GRIK4: variants seen among roughly 807,000 people sequenced by gnomAD.
GRIK4 encodes glutamate receptor ionotropic, kainate 4.
A neutral mutation model predicts 104.9 loss-of-function variants in GRIK4; 40 were observed. The observed-to-expected ratio is 0.38, with a 90% CI of 0.30 to 0.50. The LOEUF is 0.50. Among genes scored for constraint, GRIK4 ranks in the 20% least tolerant of loss-of-function variants. GRIK4 has a pLI of 0.93. For synonymous variants in GRIK4, 485 were observed against 524.9 expected (o/e 0.92, Z 1.04); for missense variants, 1,047 against 1,308.1 (o/e 0.80, Z 3.08).
At position 120,929,455 on chromosome 11, in the gene GRIK4, G is replaced by A. The variant is rs79439370; in HGVS notation, c.1477-10892G>A. Among the ~76,000 whole-genome samples, 735 of 152,256 alleles carry A rather than the reference G, an allele frequency of 4.8e-3. 6 individuals are homozygous for A. The highest frequency in any genetic ancestry group is 0.017 in the African/African-American group (701 of 41,542). ...TTCCCTGGGCATCTCAATAGGTGCG[G>A]GTGGGAGGGAGAAAGCCGCCCGCAG... On this transcript the variant is annotated intron_variant, in intron 13 of 20. Transcript: ENST00000527524.
At chr11:120,764,861 C>T (rs111929438) in intron 3 of GRIK4, among the ~76,000 whole-genome samples, 2 of 152,040 alleles carry the variant, frequency 1.3e-5, no homozygotes, top group Admixed American at 6.6e-5. Context: ...GTGGGTAACC[C>T]GACCTTTCTC....
chr11:120,624,574 G>C, intron 1 of GRIK4, among the ~76,000 whole-genome samples: 1 of 152,274 alleles, frequency 6.6e-6, no homozygotes, highest in South Asian at 2.1e-4. Context: ...CCCAGAGTCA[G>C]CTGGCACCGA....
At chr11:120,631,362 A>G (rs1221954104) in intron 1 of GRIK4, among the ~76,000 whole-genome samples, 1 of 152,150 alleles carries the variant, frequency 6.6e-6, no homozygotes, top group Non-Finnish European at 1.5e-5. Context: ...GTTTCTCATG[A>G]GCTCCCTGGG....
intron 3 of GRIK4, among the ~76,000 whole-genome samples, chr11:120,774,738 C>G (rs1450018084): frequency 6.6e-6 from 1 of 152,128 alleles, no homozygotes; most frequent in Non-Finnish European, 1.5e-5. Flanking sequence ...GTGGGGTGAT[C>G]TGTGGAGGGG....
At chr11:120,642,195 G>A (rs918089595) in intron 1 of GRIK4, among the ~76,000 whole-genome samples, 13 of 152,182 alleles carry the variant, frequency 8.5e-5, no homozygotes, top group African/African-American at 2.9e-4. Context: ...GCCAGGTGTG[G>A]TGGTGTGTGT....
At chr11:120,904,371 A>G (rs1408147070) in intron 12 of GRIK4, among the ~76,000 whole-genome samples, 1 of 152,024 alleles carries the variant, frequency 6.6e-6, no homozygotes, top group African/African-American at 2.4e-5. Context: ...ACACCCAACC[A>G]ACCAGTTATC....
intron 3 of GRIK4, among the ~76,000 whole-genome samples, chr11:120,714,471 G>A (rs1950791857): frequency 6.6e-6 from 1 of 152,180 alleles, no homozygotes; most frequent in African/African-American, 2.4e-5. Context: ...TGAATCTAGT[G>A]GTACATGGGG....
intron 19 of GRIK4, among the ~76,000 whole-genome samples, chr11:120,969,043 T>G (rs987248557): frequency 6.6e-6 from 1 of 152,090 alleles, no homozygotes; most frequent in African/African-American, 2.4e-5. Flanking sequence ...AGCCATTCCA[T>G]CAATAGGGAT....
intron 3 of GRIK4, among the ~76,000 whole-genome samples, chr11:120,791,646 G>A (rs1445265140): frequency 6.6e-6 from 1 of 152,088 alleles, no homozygotes; most frequent in Non-Finnish European, 1.5e-5. Flanking sequence ...TATGGGTTGT[G>A]CTTTTGATGT....
chr11:120,519,698 C>G (rs889862479), intron 1 of GRIK4, among the ~76,000 whole-genome samples: 1 of 152,130 alleles, frequency 6.6e-6, no homozygotes, highest in Non-Finnish European at 1.5e-5. Flanking sequence ...AGTCCCATAG[C>G]TGGTAAGAAG....
chr11:120,910,356 G>A (rs1942963958), intron 13 of GRIK4, among the ~76,000 whole-genome samples: 1 of 152,194 alleles, frequency 6.6e-6, no homozygotes, highest in African/African-American at 2.4e-5. Context: ...CCATTAAAAG[G>A]GGAAGTGTGG....
chr11:120,980,787 C>G (rs1944638551), intron 19 of GRIK4, among the ~76,000 whole-genome samples: 1 of 152,066 alleles, frequency 6.6e-6, no homozygotes, highest in South Asian at 2.1e-4. Flanking sequence ...CATGTGAGTC[C>G]TCAGAGTCGT....
intron 1 of GRIK4, among the ~76,000 whole-genome samples, chr11:120,558,776 G>A (rs1186994716): frequency 6.6e-6 from 1 of 152,170 alleles, no homozygotes; most frequent in African/African-American, 2.4e-5. Context: ...GAGAGGGTTG[G>A]GGGGCATTTT....
At chr11:120,678,165 G>A (rs1950131425) in intron 3 of GRIK4, among the ~76,000 whole-genome samples, 1 of 152,202 alleles carries the variant, frequency 6.6e-6, no homozygotes, top group Non-Finnish European at 1.5e-5. Flanking sequence ...TGTGATTGAG[G>A]TCTGCCCAAG....
At chr11:120,719,031 T>C (rs74236028) in intron 3 of GRIK4, among the ~76,000 whole-genome samples, 2 of 151,954 alleles carry the variant, frequency 1.3e-5, no homozygotes, top group African/African-American at 4.8e-5. Flanking sequence ...GTTTTGCGGG[T>C]TTTTTTTAGA....
chr11:120,846,784 A>G (rs1953862254), intron 8 of GRIK4, among the ~76,000 whole-genome samples: 2 of 152,166 alleles, frequency 1.3e-5, no homozygotes, highest in South Asian at 4.2e-4. Flanking sequence ...CTGAAATTCT[A>G]TTGAGTTTAT....
intron 1 of GRIK4, among the ~76,000 whole-genome samples, chr11:120,573,833 C>G (rs537894299): frequency 6.6e-6 from 1 of 152,318 alleles, no homozygotes; most frequent in East Asian, 1.9e-4. Flanking sequence ...TGGAGGTGGC[C>G]TGGGCTTACA....
At chr11:120,923,963 C>G (rs1322058114) in intron 13 of GRIK4, among the ~76,000 whole-genome samples, 2 of 152,120 alleles carry the variant, frequency 1.3e-5, no homozygotes, top group Non-Finnish European at 2.9e-5. Flanking sequence ...TGGTCCCTCT[C>G]CCCTGGGCTT....
chr11:120,698,653 G>A (rs1021613465), intron 3 of GRIK4, among the ~76,000 whole-genome samples: 2 of 152,178 alleles, frequency 1.3e-5, no homozygotes, highest in Non-Finnish European at 2.9e-5. Context: ...ATCACGGCCT[G>A]CTGCCCCTTC....
Sources: allele counts gnomAD v4.1 joint callset (sites outside exome capture counted in the v4.1 genomes callset), GRCh38; gene constraint gnomAD v4.1.1; transcripts MANE v1.5; gene names NCBI Gene and HGNC (gene_info 2026-07-23, HGNC 2026-07-21).